The following MAN2B2 variants were observed in gnomAD, a reference collection of about 807,000 sequenced individuals.
The protein encoded by MAN2B2 is epididymis-specific alpha-mannosidase.
MAN2B2 carries 106 observed loss-of-function variants against 117.1 expected under a neutral mutation model. The observed-to-expected ratio is 0.90, with a 90% CI of 0.77 to 1.06. The LOEUF is 1.06. MAN2B2 is among the 50% of genes least tolerant of loss of function. The probability of loss-of-function intolerance (pLI) is 0.00; values close to 1 mark genes in which losing one functional copy is unlikely to be tolerated. For missense variants in MAN2B2, 1,326 were observed against 1,381.4 expected, an observed-to-expected ratio of 0.96 and a Z score of 0.64; for synonymous variants, 544 against 595.1, an observed-to-expected ratio of 0.91 and a Z score of 1.25.
At position 6,594,566 on chromosome 4, in the gene MAN2B2, G is replaced by T; in HGVS notation, c.891G>T (p.Val297=). 1 of 1,613,602 alleles carries T rather than the reference G, an allele frequency of 6.2e-7. No homozygotes were observed. ...GCDKQFFNAS[V]QFANMDPLLD... is the part of the protein sequence containing the mutation. Reference sequence around the variant, plus strand: ...ACAAGCAGTTCTTCAATGCCTCGGTGCAGTTTGCCAACATGGACCCGCTGC... The same window carrying T: ...ACAAGCAGTTCTTCAATGCCTCGGTTCAGTTTGCCAACATGGACCCGCTGC... The change falls in exon 7 of 19, where the codon GTG becomes GTT. Residue 297 remains valine (V), a synonymous_variant. Transcript: ENST00000285599.
At chr4:6,584,139 A>G (rs1726546346) in intron 3 of MAN2B2, among the ~76,000 whole-genome samples, 1 of 152,238 alleles carries the variant, frequency 6.6e-6, no homozygotes, top group South Asian at 2.1e-4. Flanking sequence ...ATAATTGCCA[A>G]ACCATCACCC....
At chr4:6,607,637 G>GGA (rs947862974) in intron 11 of MAN2B2, among the ~76,000 whole-genome samples, 32 of 152,332 alleles carry the variant, frequency 2.1e-4, no homozygotes, top group African/African-American at 7.5e-4. Context: ...TTTAGTTGAT[G>GGA]GACATTTGGG....
At chr4:6,585,218 T>G (rs889790583) in intron 3 of MAN2B2, among the ~76,000 whole-genome samples, 2 of 152,190 alleles carry the variant, frequency 1.3e-5, no homozygotes, top group African/African-American at 4.8e-5. Context: ...TGCTTGGCCT[T>G]GCTCATAGGT....
intron 17 of MAN2B2, 73 bp from the exon 18 acceptor site, chr4:6,619,851 CCTG>C: frequency 7.4e-7 from 1 of 1,346,246 alleles, no homozygotes; most frequent in Admixed American, 1.7e-5. Context: ...GTGTGTCTGC[CCTG>C]CTGCTGTCTT....
In MAN2B2 at chr4:6,614,323, A is replaced by G; in HGVS notation, c.2669A>G (p.Asn890Ser). 6.2e-7 allele frequency: 1 copy of G among 1,614,096 alleles called. No individual in the cohort carries two copies. The highest frequency in any genetic ancestry group is 8.5e-7 in the Non-Finnish European group (1 of 1,179,994). ...LSIPGWRYSS[N>S]HTEHSQNLRK... Reference sequence around the variant, plus strand: ...ATCCCTGGCTGGCGCTACAGCTCCAACCACACGGAGCACTCTCAGAATCTC... The same window carrying G: ...ATCCCTGGCTGGCGCTACAGCTCCAGCCACACGGAGCACTCTCAGAATCTC... The change falls in exon 16 of 19, where the codon AAC (asparagine) becomes AGC (serine). Residue 890 changes from asparagine to serine, a missense_variant. By Grantham distance (46) the Asn-to-Ser change is conservative. Transcript: ENST00000285599.
At chr4:6,611,064 C>T (rs1168290279) in intron 14 of MAN2B2, 22 bp from the exon 15 acceptor site, 1 of 1,611,964 alleles carries the variant, frequency 6.2e-7, no homozygotes, top group Admixed American at 1.7e-5. Context: ...AGCCGGGCCT[C>T]TCGGACAATG....
At position 6,605,184 on chromosome 4, in the gene MAN2B2, G is replaced by T. The variant is rs779510658; in HGVS notation, c.1669G>T (p.Ala557Ser). Residue 557 changes from alanine to serine, a missense_variant, in exon 11 of 19, where the codon GCC becomes TCC. Coordinates refer to ENST00000285599, the MANE Select transcript of MAN2B2 (RefSeq NM_015274.3). ...CCAAGAGGGCACCCAGGAGCCGGCT[G>T]CCACTGTGGCGAGCACCCTTCAATT... ...GAQEGTQEPA[A>S]TVASTLQFGR... 2 of 1,614,224 alleles carry T rather than the reference G, an allele frequency of 1.2e-6. No homozygotes were observed. The highest frequency in any genetic ancestry group is 3.3e-5 in the Admixed American group (2 of 60,032).
intron 16 of MAN2B2, among the ~76,000 whole-genome samples, chr4:6,615,447 G>A (rs751488092): frequency 1.3e-4 from 19 of 151,986 alleles, no homozygotes; most frequent in Non-Finnish European, 2.6e-4. Context: ...GTGATCTTGG[G>A]CAGTCATTCC....
rs1175857968 is a variant in MAN2B2, at chr4:6,587,104, G to A, written c.500G>A (p.Gly167Asp). ...ACGCCCACCCTATTTGCGCTGGCGG[G>A]CTTCAATGCCCACCTCGGCTCCCGG... ...ATTPTLFALA[G>D]FNAHLGSRID... The change falls in exon 4 of 19, where the codon GGC (glycine) becomes GAC (aspartate). Residue 167 changes from glycine to aspartate, a missense_variant. By Grantham distance (94) the Gly-to-Asp change is moderately conservative. Coordinates refer to ENST00000285599, the MANE Select transcript of MAN2B2 (RefSeq NM_015274.3). 6.2e-7 allele frequency: 1 copy of A among 1,613,974 alleles called. No individual in the cohort carries two copies. Among genetic ancestry groups the A allele is most frequent in the Non-Finnish European group, 8.5e-7 (1 of 1,180,018 alleles).
intron 3 of MAN2B2, among the ~76,000 whole-genome samples, chr4:6,579,247 TCACCACCATCACCAC>T (rs1560634820): frequency 1.6e-3 from 8 of 5,138 alleles, no homozygotes; most frequent in East Asian, 0.013. Flanking sequence ...CCACCACCCT[TCACCACCATCACCAC>T]CACCACCATC....
At chr4:6,597,371 C>T in intron 8 of MAN2B2, 68 bp downstream of exon 8, 5 of 1,436,708 alleles carry the variant, frequency 3.5e-6, no homozygotes, top group Non-Finnish European at 4.6e-6. Flanking sequence ...CCTCCCTTGT[C>T]CTAGCCAATC....
rs754849457 is a variant in MAN2B2, at chr4:6,609,782, C to T, written c.2007-16C>T. The T allele has an allele frequency of 6.3e-7, 1 of 1,593,362 alleles. No individual in the cohort carries two copies. Among genetic ancestry groups the T allele is most frequent in the Non-Finnish European group, 8.6e-7 (1 of 1,167,896 alleles). On this transcript the variant is annotated splice_polypyrimidine_tract_variant and intron_variant, in intron 12 of 18. Coordinates refer to ENST00000285599, the MANE Select transcript of MAN2B2 (RefSeq NM_015274.3). ...GTTCCTGGAGCTTCACTTACTGATG[C>T]TCCCTTCTCCTCCAGGAACATGACA...
At position 6,575,616 on chromosome 4, in the gene MAN2B2, G is replaced by A. The variant is rs141653556; in HGVS notation, c.138+268G>A. ...CTGGGGAGGGGCTTGGGGGTTGACA[G>A]TGGTAACCCATTTTCCAGGGAAGCC... is the stretch of plus-strand genomic sequence containing the variant. On this transcript the variant is annotated intron_variant, in intron 1 of 18. Coordinates refer to ENST00000285599, the MANE Select transcript of MAN2B2 (RefSeq NM_015274.3). Among the ~76,000 whole-genome samples, 782 of 152,354 alleles carry A rather than the reference G, an allele frequency of 5.1e-3. 9 individuals are homozygous for A. Among genetic ancestry groups the A allele is most frequent in the African/African-American group, 0.018 (743 of 41,582 alleles).
At chr4:6,590,482 G>A (rs1223970646) in intron 5 of MAN2B2, among the ~76,000 whole-genome samples, 4 of 152,112 alleles carry the variant, frequency 2.6e-5, no homozygotes, top group African/African-American at 2.4e-5. Context: ...CTCTCGCCTC[G>A]CCTGTCCGTA....
At chr4:6,601,905 G>C (rs1262617841) in intron 10 of MAN2B2, among the ~76,000 whole-genome samples, 1 of 152,222 alleles carries the variant, frequency 6.6e-6, no homozygotes, top group African/African-American at 2.4e-5. Flanking sequence ...GTGAAAGTGT[G>C]ACAGTCTGCC....
rs1726152734 is a variant in MAN2B2, at chr4:6,578,421, T to C, written c.314T>C (p.Leu105Pro). The part of the protein sequence containing the change: ...QVRQLLEEGR[L>P]EFVIGGQVMH... ...CGCCAGCTCCTGGAGGAAGGACGCC[T>C]GGAATTTGTCATCGGAGGCCAGGTC... is the stretch of plus-strand genomic sequence containing the variant. The change falls in exon 3 of 19, where the codon CTG (leucine) becomes CCG (proline). Residue 105 changes from leucine (L) to proline (P), a missense_variant. By Grantham distance (98) the Leu-to-Pro change is moderately conservative (BLOSUM62 -3). Transcript: ENST00000285599. 3 of 1,613,624 alleles carry C rather than the reference T, an allele frequency of 1.9e-6. No individual in the cohort carries two copies. In the East Asian group the frequency reaches 6.7e-5, roughly 36 times the overall value.
chr4:6,614,704 C>T (rs1271725829), intron 16 of MAN2B2, among the ~76,000 whole-genome samples: 2 of 152,208 alleles, frequency 1.3e-5, no homozygotes, highest in Non-Finnish European at 2.9e-5. Flanking sequence ...CCTCCTGGAG[C>T]CCCCAAACAC....
chr4:6,590,869 C>T (rs887989474), intron 5 of MAN2B2, among the ~76,000 whole-genome samples: 1 of 151,516 alleles, frequency 6.6e-6, no homozygotes, highest in African/African-American at 2.4e-5. Flanking sequence ...CCGGAGGAGG[C>T]CAGGCGCAGT....
rs1472715084 is a variant in MAN2B2 at position 6,614,743 on chromosome 4, G to C, written c.2701+388G>C. Among the ~76,000 whole-genome samples the C allele has an allele frequency of 2.0e-5, 3 of 152,244 alleles. 1 individual carries two copies. The highest frequency in any genetic ancestry group is 4.4e-5 in the Non-Finnish European group (3 of 68,044). ...AATTCCCACTCATCCTCCAAGTTCA[G>C]GCAGCCTAACTCTTGGGAGTTTCCA... On this transcript the variant is annotated intron_variant, in intron 16 of 18. Coordinates refer to ENST00000285599, the MANE Select transcript of MAN2B2 (RefSeq NM_015274.3).
Sources: allele counts gnomAD v4.1 joint callset (sites outside exome capture counted in the v4.1 genomes callset), GRCh38; gene constraint gnomAD v4.1.1; transcripts MANE v1.5; gene names NCBI Gene and HGNC (gene_info 2026-07-23, HGNC 2026-07-21).